Variants in HCN1 observed in about 807,000 individuals in gnomAD.
HCN1 encodes potassium/sodium hyperpolarization-activated cyclic nucleotide-gated channel 1.
In HCN1, 13 loss-of-function variants were observed where a neutral mutation model predicts 78.9. The ratio of observed to expected loss-of-function variants is 0.16; its 90% confidence interval spans 0.11 to 0.26. HCN1 has a LOEUF of 0.26. Ranked by LOEUF, HCN1 falls within the 10% of genes least tolerant of loss-of-function variation. HCN1 has a pLI of 1.00. For missense variants in HCN1, 810 were observed against 1,154.3 expected, an observed-to-expected ratio of 0.70 and a Z score of 4.32; for synonymous variants, 552 against 455.5, an observed-to-expected ratio of 1.21 and a Z score of -2.70.
At position 45,308,049 on chromosome 5, in the gene HCN1, T is replaced by C. The variant is rs138641923; in HGVS notation, c.1378-4210A>G. Among the ~76,000 whole-genome samples, 3 of 152,226 alleles carry C rather than the reference T, an allele frequency of 2.0e-5. No individual in the cohort carries two copies. In the East Asian group the frequency reaches 5.8e-4, roughly 30 times the overall value. On this transcript the variant is annotated intron_variant, in intron 5 of 7. Transcript: ENST00000303230. ...CAGTCATGGGGGAGAAGAACCCACA[T>C]GAATGATTTGGTGCTGTCCTTGAGT... is the stretch of plus-strand genomic sequence containing the variant.
chr5:45,550,607 G>C (rs933702867), intron 2 of HCN1, among the ~76,000 whole-genome samples: 5 of 152,014 alleles, frequency 3.3e-5, no homozygotes. Context: ...TAACAAACCT[G>C]CACACAGTGC....
chr5:45,594,203 T>C (rs954892010), intron 2 of HCN1, among the ~76,000 whole-genome samples: 1 of 152,186 alleles, frequency 6.6e-6, no homozygotes, highest in Non-Finnish European at 1.5e-5. Context: ...TTGATGATGA[T>C]AGTACCATTA....
intron 4 of HCN1, among the ~76,000 whole-genome samples, chr5:45,366,243 C>A (rs1380233990): frequency 3.3e-5 from 5 of 150,220 alleles, no homozygotes; most frequent in African/African-American, 7.3e-5. Context: ...GGTAATTCTT[C>A]AATAAAAAAA....
chr5:45,679,923 G>A (rs1330937414), intron 1 of HCN1, among the ~76,000 whole-genome samples: 1 of 151,936 alleles, frequency 6.6e-6, no homozygotes, highest in Non-Finnish European at 1.5e-5. Flanking sequence ...CATAATTAGG[G>A]CTGAATACAC....
At chr5:45,323,224 T>A (rs1746159017) in intron 5 of HCN1, among the ~76,000 whole-genome samples, 2 of 151,890 alleles carry the variant, frequency 1.3e-5, no homozygotes, top group African/African-American at 4.8e-5. Flanking sequence ...CACCAGATTG[T>A]GAAGACTTGA....
At chr5:45,267,760 C>T (rs569359351) in intron 6 of HCN1, among the ~76,000 whole-genome samples, 19 of 152,182 alleles carry the variant, frequency 1.2e-4, no homozygotes, top group Admixed American at 3.3e-4. Flanking sequence ...GAGTGAGACT[C>T]CGTCTCAAAA....
At chr5:45,604,235 T>G (rs967896404) in intron 2 of HCN1, among the ~76,000 whole-genome samples, 3 of 152,104 alleles carry the variant, frequency 2.0e-5, no homozygotes, top group African/African-American at 4.8e-5. Context: ...ATAAGACTTT[T>G]GTTTTTGTTT....
chr5:45,298,785 C>T (rs1032293859), intron 6 of HCN1, among the ~76,000 whole-genome samples: 2 of 151,872 alleles, frequency 1.3e-5, no homozygotes, highest in African/African-American at 4.8e-5. Context: ...TGGTGACTAC[C>T]TTCCAAAGAG....
At chr5:45,459,589 A>G (rs979568201) in intron 3 of HCN1, among the ~76,000 whole-genome samples, 1 of 152,150 alleles carries the variant, frequency 6.6e-6, no homozygotes, top group South Asian at 2.1e-4. Flanking sequence ...AAAAACAAGA[A>G]TTTTTTTCAA....
At chr5:45,324,146 A>C (rs539514272) in intron 5 of HCN1, among the ~76,000 whole-genome samples, 2 of 151,836 alleles carry the variant, frequency 1.3e-5, no homozygotes, top group African/African-American at 4.8e-5. Flanking sequence ...ACCAACTTCC[A>C]TGATGGTTGG....
At chr5:45,307,351 T>C (rs1702176086) in intron 5 of HCN1, among the ~76,000 whole-genome samples, 1 of 151,998 alleles carries the variant, frequency 6.6e-6, no homozygotes, top group Non-Finnish European at 1.5e-5. Context: ...GGGCTGAGCA[T>C]TGAGCATGGG....
At chr5:45,361,573 A>T (rs534413842) in intron 4 of HCN1, among the ~76,000 whole-genome samples, 1 of 152,278 alleles carries the variant, frequency 6.6e-6, no homozygotes, top group Admixed American at 6.5e-5. Context: ...TGGCCTCCCA[A>T]AGTGCTGGGA....
chr5:45,301,235 A>G (rs908822251), intron 6 of HCN1, among the ~76,000 whole-genome samples: 1 of 151,732 alleles, frequency 6.6e-6, no homozygotes, highest in South Asian at 2.1e-4. Context: ...TATTTTGGAA[A>G]AATTGTCTCT....
rs1389741721 is a variant in HCN1, at chr5:45,663,863, C to G, written c.426-18255G>C. Among the ~76,000 whole-genome samples the G allele has an allele frequency of 2.1e-5, 3 of 146,320 alleles. No homozygotes were observed. In the East Asian group the frequency reaches 6.5e-4, roughly 31 times the overall value. On this transcript the variant is annotated intron_variant, in intron 1 of 7. Transcript: ENST00000303230. ...GAACACTTTCACACTGTTGGTGGGA[C>G]TGTAAACTAGTTCAACCATTGTGGA...
chr5:45,400,825 G>A (rs2052485791), intron 3 of HCN1, among the ~76,000 whole-genome samples: 1 of 151,946 alleles, frequency 6.6e-6, no homozygotes. Context: ...ATCATTCTGT[G>A]CCTTTCTCCA....
chr5:45,433,196 T>G (rs988061294), intron 3 of HCN1, among the ~76,000 whole-genome samples: 5 of 152,250 alleles, frequency 3.3e-5, no homozygotes, highest in Non-Finnish European at 7.4e-5. Flanking sequence ...CTGAACTACC[T>G]TGCAACCCAG....
At chr5:45,513,830 T>C (rs904457379) in intron 2 of HCN1, among the ~76,000 whole-genome samples, 4 of 152,134 alleles carry the variant, frequency 2.6e-5, no homozygotes, top group African/African-American at 9.7e-5. Context: ...CCCCATTATC[T>C]ATAAAGCCTC....
chr5:45,562,596 G>A (rs1186345826), intron 2 of HCN1, among the ~76,000 whole-genome samples: 1 of 152,112 alleles, frequency 6.6e-6, no homozygotes, highest in Non-Finnish European at 1.5e-5. Flanking sequence ...ACACCAATAT[G>A]AAGCTATTAA....
At chr5:45,309,941 T>C (rs772784296) in intron 5 of HCN1, among the ~76,000 whole-genome samples, 9 of 152,188 alleles carry the variant, frequency 5.9e-5, no homozygotes, top group Non-Finnish European at 8.8e-5. Context: ...GTAGGAATGC[T>C]ACTGGCTCTT....
Sources: allele counts gnomAD v4.1 joint callset (sites outside exome capture counted in the v4.1 genomes callset), GRCh38; gene constraint gnomAD v4.1.1; transcripts MANE v1.5; gene names NCBI Gene and HGNC (gene_info 2026-07-23, HGNC 2026-07-21).